The following PTPRM variants were observed in gnomAD, a reference collection of about 807,000 sequenced individuals.
The protein encoded by PTPRM is protein tyrosine phosphatase receptor type M, also known as receptor-type tyrosine-protein phosphatase mu.
In PTPRM, 47 loss-of-function variants were observed where a neutral mutation model predicts 186.7. That is an observed-to-expected ratio of 0.25 (90% CI 0.20 to 0.32). The LOEUF is 0.32. Among genes scored for constraint, PTPRM ranks in the 10% least tolerant of loss-of-function variants. The pLI, the probability that PTPRM is intolerant of heterozygous loss-of-function variation, is 1.00. For synonymous variants in PTPRM, 668 were observed against 674.9 expected (o/e 0.99, Z 0.16); for missense variants, 1,494 against 1,865.0 (o/e 0.80, Z 3.66).
At chr18:7,693,329 G>A (rs2039775723) in intron 1 of PTPRM, among the ~76,000 whole-genome samples, 1 of 152,112 alleles carries the variant, frequency 6.6e-6, no homozygotes, top group Non-Finnish European at 1.5e-5. Context: ...GTTACATAGG[G>A]CTCATTTGAT....
intron 1 of PTPRM, among the ~76,000 whole-genome samples, chr18:7,725,434 G>A (rs1465501982): frequency 1.3e-5 from 2 of 152,044 alleles, no homozygotes; most frequent in African/African-American, 2.4e-5. Flanking sequence ...CGGGTCCCTG[G>A]TGAAGTCCCT....
intron 7 of PTPRM, among the ~76,000 whole-genome samples, chr18:7,966,488 GC>G (rs2054064562): frequency 6.6e-6 from 1 of 152,064 alleles, no homozygotes; most frequent in African/African-American, 2.4e-5. Context: ...CCGGTCTACA[GC>G]TCCCAGCGTG....
At chr18:7,636,462 C>T (rs1359343818) in intron 1 of PTPRM, among the ~76,000 whole-genome samples, 12 of 152,122 alleles carry the variant, frequency 7.9e-5, no homozygotes, top group Non-Finnish European at 1.5e-4. Flanking sequence ...TCTTCCTTGT[C>T]ATGATTATAT....
intron 19 of PTPRM, among the ~76,000 whole-genome samples, chr18:8,284,502 T>C (rs368077359): frequency 6.6e-6 from 1 of 152,150 alleles, no homozygotes; most frequent in Non-Finnish European, 1.5e-5. Flanking sequence ...TGTGAAACAT[T>C]AGAGGAGTTT....
intron 9 of PTPRM, among the ~76,000 whole-genome samples, chr18:8,080,657 C>T (rs918960276): frequency 2.6e-5 from 4 of 152,074 alleles, no homozygotes; most frequent in Non-Finnish European, 4.4e-5. Flanking sequence ...TGTTAGTCAC[C>T]ATCAGCTGAG....
chr18:7,794,939 G>A (rs1183293883), intron 2 of PTPRM, among the ~76,000 whole-genome samples: 2 of 152,098 alleles, frequency 1.3e-5, no homozygotes, highest in Non-Finnish European at 2.9e-5. Context: ...ACAGATACCT[G>A]GCCAGTGCTC....
At chr18:7,814,882 T>C (rs988663640) in intron 2 of PTPRM, 4 of 152,240 alleles carry the variant, frequency 2.6e-5, no homozygotes, top group Non-Finnish European at 5.9e-5. Flanking sequence ...GTTTATGGTT[T>C]CTTTTAAATA....
intron 2 of PTPRM, among the ~76,000 whole-genome samples, chr18:7,784,969 G>A (rs867259924): frequency 1.8e-4 from 27 of 152,312 alleles, no homozygotes; most frequent in Non-Finnish European, 2.9e-4. Context: ...GCACCCAAGA[G>A]GGGCAAGAGA....
intron 7 of PTPRM, among the ~76,000 whole-genome samples, chr18:8,016,459 G>A (rs761776698): frequency 2.6e-5 from 4 of 151,462 alleles, no homozygotes; most frequent in Admixed American, 2.0e-4. Context: ...TGGCGGAGGC[G>A]GAGGCGGAGG....
At chr18:8,195,358 TTGACTCAGCC>T (rs2093763385) in intron 14 of PTPRM, among the ~76,000 whole-genome samples, 2 of 151,956 alleles carry the variant, frequency 1.3e-5, no homozygotes, top group Non-Finnish European at 2.9e-5. Context: ...GATGTGTGGA[TTGACTCAGCC>T]AGCACCACCA....
intron 1 of PTPRM, among the ~76,000 whole-genome samples, chr18:7,623,241 T>C (rs909828472): frequency 6.6e-6 from 1 of 152,164 alleles, no homozygotes; most frequent in Admixed American, 6.5e-5. Flanking sequence ...AAAATATGTA[T>C]TGGGTGTCAG....
intron 14 of PTPRM, among the ~76,000 whole-genome samples, chr18:8,185,156 T>TA (rs995917138): frequency 4.4e-5 from 5 of 114,680 alleles, no homozygotes; most frequent in South Asian, 2.6e-4. Flanking sequence ...TACTAATTGT[T>TA]AAAAAAAATA....
intron 2 of PTPRM, among the ~76,000 whole-genome samples, chr18:7,798,376 A>G (rs546877690): frequency 6.8e-4 from 103 of 151,484 alleles, no homozygotes; most frequent in Admixed American, 2.0e-3. Flanking sequence ...TAAAAATGCA[A>G]AAATTAGCTG....
intron 7 of PTPRM, among the ~76,000 whole-genome samples, chr18:7,975,619 C>G (rs1259352369): frequency 6.6e-6 from 1 of 152,146 alleles, no homozygotes; most frequent in Non-Finnish European, 1.5e-5. Flanking sequence ...CTGAAAATCA[C>G]CTAGTAACAT....
At chr18:7,571,370 A>T (rs2036563353) in intron 1 of PTPRM, among the ~76,000 whole-genome samples, 1 of 152,250 alleles carries the variant, frequency 6.6e-6, no homozygotes, top group Non-Finnish European at 1.5e-5. Flanking sequence ...AAGACATGAG[A>T]AAGAAAGTTA....
chr18:7,656,158 CA>C (rs1319326169), intron 1 of PTPRM, among the ~76,000 whole-genome samples: 1 of 152,118 alleles, frequency 6.6e-6, no homozygotes, highest in Admixed American at 6.5e-5. Flanking sequence ...ACACGATAGC[CA>C]AAAGGTAGAA....
intron 19 of PTPRM, among the ~76,000 whole-genome samples, chr18:8,258,974 AGT>A (rs1211057865): frequency 6.6e-5 from 10 of 152,070 alleles, no homozygotes; most frequent in South Asian, 2.1e-4. Flanking sequence ...TTTTTGAGAC[AGT>A]GTCTTGCTCT....
intron 1 of PTPRM, among the ~76,000 whole-genome samples, chr18:7,739,800 G>A (rs2144495778): frequency 6.6e-6 from 1 of 152,226 alleles, no homozygotes; most frequent in South Asian, 2.1e-4. Flanking sequence ...TATGCTGGTG[G>A]GGTTGCATCA....
At chr18:7,928,047 G>A (rs1050594995) in intron 5 of PTPRM, among the ~76,000 whole-genome samples, 2 of 152,144 alleles carry the variant, frequency 1.3e-5, no homozygotes, top group African/African-American at 4.8e-5. Context: ...CAGCCCAGTA[G>A]TATTTTTATT....
Sources: allele counts gnomAD v4.1 joint callset (sites outside exome capture counted in the v4.1 genomes callset), GRCh38; gene constraint gnomAD v4.1.1; transcripts MANE v1.5; gene names NCBI Gene and HGNC (gene_info 2026-07-23, HGNC 2026-07-21).